Variants in PKD1L3 observed in about 807,000 individuals in gnomAD.
The protein encoded by PKD1L3 is polycystin 1 like 3, transient receptor potential channel interacting.
In PKD1L3, 239 loss-of-function variants were observed where a neutral mutation model predicts 184.1. The ratio of observed to expected loss-of-function variants is 1.30; its 90% CI spans 1.17 to 1.45. The LOEUF (loss-of-function observed/expected upper bound fraction) is 1.45. Among genes scored for constraint, PKD1L3 ranks in the 40% most tolerant of loss-of-function variants. PKD1L3 has a pLI of 0.00. For missense variants in PKD1L3, 2,660 were observed against 2,067.2 expected (o/e 1.29, Z -5.56); for synonymous variants, 996 against 778.8 (o/e 1.28, Z -4.64).
At chr16:71,986,574 C>T in intron 4 of PKD1L3, 105 bp from the exon 5 acceptor site, 1 of 1,267,604 alleles carries the variant, frequency 7.9e-7, no homozygotes, top group Non-Finnish European at 1.1e-6. Context: ...CTATGAGATA[C>T]TAATAGGCAT....
intron 6 of PKD1L3, 42 bp from the exon 7 acceptor site, chr16:71,982,277 G>GTTTT (rs1491339057): frequency 7.2e-6 from 5 of 690,240 alleles, no homozygotes; most frequent in South Asian, 1.0e-4. Flanking sequence ...TGAATTGTTT[G>GTTTT]CTTTTTTTTT....
At chr16:71,933,185 C>T (rs1190418643) in intron 28 of PKD1L3, among the ~76,000 whole-genome samples, 1 of 151,982 alleles carries the variant, frequency 6.6e-6, no homozygotes, top group African/African-American at 2.4e-5. Context: ...AGATTAAGGA[C>T]ACAAGAAGTG....
rs1298147173 is a variant in PKD1L3 at position 71,967,335 on chromosome 16, G to T, written c.2287-20C>A. On this transcript the variant is annotated intron_variant, in intron 14 of 29. Coordinates refer to ENST00000620267, the MANE Select transcript of PKD1L3 (RefSeq NM_181536.2). ...GACAACCTACAATGAGACAGGGAAAGATAAAATATAAGGAATTTTAACACA... is the reference window on the plus strand; with the variant it reads ...GACAACCTACAATGAGACAGGGAAATATAAAATATAAGGAATTTTAACACA... 12 of 1,536,960 alleles carry T rather than the reference G, an allele frequency of 7.8e-6. No homozygotes were observed. Among genetic ancestry groups the T allele is most frequent in the East Asian group, 2.4e-5 (1 of 40,832 alleles).
In PKD1L3 at chr16:71,973,282, C is replaced by T. The variant is rs528965013; in HGVS notation, c.1953+42G>A. 1.8e-5 allele frequency: 28 copies of T among 1,536,232 alleles called. No homozygotes were observed. In the African/African-American group the frequency reaches 3.4e-4, roughly 19 times the overall value. On this transcript the variant is annotated intron_variant, in intron 12 of 29. Coordinates refer to ENST00000620267, the MANE Select transcript of PKD1L3 (RefSeq NM_181536.2). ...ACGGATGCATTGGGCTTAACAGTAGCTATGGCAGAAGAGAGGCCCAAGAAG... is the reference window on the plus strand; with the variant it reads ...ACGGATGCATTGGGCTTAACAGTAGTTATGGCAGAAGAGAGGCCCAAGAAG...
intron 6 of PKD1L3, among the ~76,000 whole-genome samples, chr16:71,983,471 T>C (rs187779145): frequency 4.1e-4 from 62 of 152,130 alleles, no homozygotes; most frequent in African/African-American, 1.4e-3. Flanking sequence ...TTCTAACAAA[T>C]GCATCAGCAA....
chr16:71,954,331 A>C (rs953318633), intron 16 of PKD1L3, 30 bp from the exon 17 acceptor site: 20 of 1,455,554 alleles, frequency 1.4e-5, no homozygotes, highest in Non-Finnish European at 1.6e-5. Context: ...GAGGAAATAC[A>C]TGAGATTTTA....
At chr16:71,960,831 G>C (rs2039249761) in intron 16 of PKD1L3, among the ~76,000 whole-genome samples, 1 of 152,152 alleles carries the variant, frequency 6.6e-6, no homozygotes, top group Non-Finnish European at 1.5e-5. Context: ...GCTGAGGTGG[G>C]AGGACTGCTT....
At position 71,974,556 on chromosome 16, in the gene PKD1L3, C is replaced by T. The variant is rs905314220; in HGVS notation, c.1760-1039G>A. Reference sequence around the variant, plus strand: ...AATTAGCCAGGCATGGTGGCATATGCGCCTGCAGTCCCAGCTGCTTGGGAG... The same window carrying T: ...AATTAGCCAGGCATGGTGGCATATGTGCCTGCAGTCCCAGCTGCTTGGGAG... On this transcript the variant is annotated intron_variant, in intron 11 of 29. Transcript: ENST00000620267. Among the ~76,000 whole-genome samples the T allele has an allele frequency of 3.9e-5, 6 of 152,092 alleles. No homozygotes were observed. In the South Asian group the frequency reaches 1.0e-3, roughly 26 times the overall value.
Position 71,945,279 on chromosome 16 carries a change from T to C in PKD1L3, c.3719-1109A>G, listed in dbSNP as rs1479326805. ...TGAATTTCTTAACTATATATATATA[T>C]ATATATATATATATATATATATATA... On this transcript the variant is annotated intron_variant, in intron 22 of 29. Transcript: ENST00000620267. Among the ~76,000 whole-genome samples, 3 of 56,056 alleles carry C rather than the reference T, an allele frequency of 5.4e-5. No homozygotes were observed. In the Admixed American group the frequency reaches 7.2e-4, roughly 14 times the overall value. The allele number at this position is 56,056 out of a possible 152,430, so 36.8% of individuals were successfully genotyped here.
At position 71,980,040 on chromosome 16, in the gene PKD1L3, A is replaced by C. The variant is rs1218659178; in HGVS notation, c.1238T>G (p.Leu413Trp). The C allele has an allele frequency of 1.3e-6, 2 of 1,552,086 alleles. No homozygotes were observed. Among genetic ancestry groups the C allele is most frequent in the Admixed American group, 3.9e-5 (2 of 51,002 alleles). The part of the protein sequence containing the change: ...QNQSPESSVT[L>W]TSANATLLLS... The stretch of plus-strand genomic sequence containing the variant: ...CAGCAGAGTAGCATTGGCAGAGGTC[A>C]AAGTCACTGAAGACTCGGGAGACTG... The change falls in exon 8 of 30, where the codon TTG becomes TGG. Residue 413 changes from leucine (L) to tryptophan (W), a missense_variant. Transcript: ENST00000620267.
chr16:71,950,086 G>T (rs746417301), intron 20 of PKD1L3, 32 bp downstream of exon 20: 1 of 1,548,856 alleles, frequency 6.5e-7, no homozygotes. Flanking sequence ...GAAGATTACA[G>T]GGGATAAAGA....
At chr16:71,952,829 C>T (rs2038893782) in intron 18 of PKD1L3, 65 bp downstream of exon 18, 2 of 1,477,922 alleles carry the variant, frequency 1.4e-6, no homozygotes, top group Non-Finnish European at 1.8e-6. Flanking sequence ...CAGAGCCAGA[C>T]CCTATGTCAA....
intron 1 of PKD1L3, among the ~76,000 whole-genome samples, chr16:71,999,425 G>C (rs1327157213): frequency 6.6e-6 from 1 of 152,126 alleles, no homozygotes; most frequent in African/African-American, 2.4e-5. Flanking sequence ...TCTTTGGAAC[G>C]TAGCATAATT....
chr16:71,951,539 G>C, intron 19 of PKD1L3, 25 bp downstream of exon 19: 1 of 1,533,268 alleles, frequency 6.5e-7, no homozygotes, highest in Non-Finnish European at 8.8e-7. Flanking sequence ...TGGAAGATTC[G>C]TTACTGAAAT....
intron 12 of PKD1L3, among the ~76,000 whole-genome samples, chr16:71,972,073 G>A (rs901069321): frequency 5.3e-5 from 8 of 152,040 alleles, no homozygotes; most frequent in Admixed American, 3.3e-4. Flanking sequence ...AAAATTAGCC[G>A]GGCGCAGTGG....
intron 9 of PKD1L3, among the ~76,000 whole-genome samples, chr16:71,978,962 G>A (rs2040043081): frequency 6.6e-6 from 1 of 152,092 alleles, no homozygotes; most frequent in African/African-American, 2.4e-5. Flanking sequence ...GGGATCCCCA[G>A]AATTATTATT....
At chr16:71,993,436 A>G in intron 2 of PKD1L3, 104 bp from the exon 3 acceptor site, 1 of 727,582 alleles carries the variant, frequency 1.4e-6, no homozygotes, top group Non-Finnish European at 2.1e-6. Flanking sequence ...GGAAAACACA[A>G]ATTAAAAATT....
chr16:71,993,240 T>G lies in PKD1L3; in HGVS notation c.511A>C (p.Ile171Leu). ...CCTGGGGGCATTTTGTCTCTTGCTA[T>G]TGCAACTCCTCTTTTTGTCTTCTTG... Reference protein sequence around the residue: ...RHKKTKRGVAIARDKMPPGPG... With the variant: ...RHKKTKRGVALARDKMPPGPG... Residue 171 changes from isoleucine (I) to leucine (L), a missense_variant, in exon 3 of 30, where the codon ATA becomes CTA. By Grantham distance (5) the Ile-to-Leu change is conservative. Transcript: ENST00000620267. 1 of 1,549,734 alleles carries G rather than the reference T, an allele frequency of 6.5e-7. No homozygotes were observed. The highest frequency in any genetic ancestry group is 8.7e-7 in the Non-Finnish European group (1 of 1,146,108).
In PKD1L3 at chr16:71,935,424, C is replaced by T. The variant is rs1295849516; in HGVS notation, c.4547G>A (p.Gly1516Glu). 1.3e-6 allele frequency: 2 copies of T among 1,551,954 alleles called. No homozygotes were observed. Among genetic ancestry groups the T allele is most frequent in the South Asian group, 2.4e-5 (2 of 84,050 alleles). Residue 1516 changes from glycine (G) to glutamate (E), a missense_variant, in exon 26 of 30, where the codon GGG becomes GAG. By Grantham distance (98) the Gly-to-Glu change is moderately conservative. Transcript: ENST00000620267. ...TAGAGAAATACTCTTCATGTCAAGC[C>T]CCAGGAGGATGAAGCTAATGAGGAT... ...SIILISFILL[G>E]LDMKSISLHK...
Sources: gnomAD v4.1 joint callset for allele counts (sites outside exome capture counted in the v4.1 genomes callset) on GRCh38, gnomAD v4.1.1 for gene constraint, MANE v1.5 for transcripts, NCBI Gene and HGNC (gene_info 2026-07-23, HGNC 2026-07-21) for gene names.